Variants in PHACTR1 observed in about 807,000 individuals in gnomAD.
PHACTR1 encodes RPEL repeat containing 1.
In PHACTR1, 16 loss-of-function variants were observed where a neutral mutation model predicts 69.2. The ratio of observed to expected loss-of-function variants is 0.23; its 90% CI spans 0.16 to 0.35. The LOEUF is 0.35. Among genes scored for constraint, PHACTR1 ranks in the 10% least tolerant of loss-of-function variants. PHACTR1 has a pLI of 1.00. For synonymous variants in PHACTR1, 312 were observed against 284.5 expected (o/e 1.10, Z -0.97); for missense variants, 510 against 734.7 (o/e 0.69, Z 3.54).
Position 13,227,865 on chromosome 6 carries a change from C to T in PHACTR1, c.1036C>T (p.His346Tyr). Reference sequence around the variant, plus strand: ...CACTTCTTACCACAGCTCTGGGTTGCACTCGGGTGATGGGGTCACCAAAGC... The same window carrying T: ...CACTTCTTACCACAGCTCTGGGTTGTACTCGGGTGATGGGGTCACCAAAGC... Reference protein sequence around the residue: ...CSTSYHSSGLHSGDGVTKAGP... With the variant: ...CSTSYHSSGLYSGDGVTKAGP... The change falls in exon 9 of 15, where the codon CAC becomes TAC. Residue 346 changes from histidine (H) to tyrosine (Y), a missense_variant. Coordinates refer to ENST00000332995, the MANE Select transcript of PHACTR1 (RefSeq NM_030948.6). The T allele has an allele frequency of 6.2e-7, 1 of 1,614,026 alleles. No individual in the cohort carries two copies. Among genetic ancestry groups the T allele is most frequent in the Non-Finnish European group, 8.5e-7 (1 of 1,179,894 alleles).
intron 4 of PHACTR1, among the ~76,000 whole-genome samples, chr6:12,909,186 A>C (rs1786085286): frequency 1.3e-5 from 2 of 152,178 alleles, no homozygotes; most frequent in South Asian, 4.1e-4. Flanking sequence ...CAACTTTTTC[A>C]GTCATTTCAT....
chr6:13,212,550 A>G (rs1234217993), intron 8 of PHACTR1, among the ~76,000 whole-genome samples: 1 of 152,118 alleles, frequency 6.6e-6, no homozygotes, highest in Non-Finnish European at 1.5e-5. Context: ...GACAGGAACC[A>G]TCCTTGTCTC....
chr6:12,862,673 C>T (rs769623612), intron 4 of PHACTR1, among the ~76,000 whole-genome samples: 4 of 152,100 alleles, frequency 2.6e-5, no homozygotes, highest in East Asian at 1.9e-4. Flanking sequence ...ATGCTATTTG[C>T]GTTCAGCAGG....
chr6:12,838,607 A>C (rs1778394675), intron 4 of PHACTR1, among the ~76,000 whole-genome samples: 1 of 152,170 alleles, frequency 6.6e-6, no homozygotes, highest in South Asian at 2.1e-4. Flanking sequence ...GGAGGCCCTC[A>C]TGTTCTCTTG....
chr6:12,893,209 G>C (rs1226692836), intron 4 of PHACTR1, among the ~76,000 whole-genome samples: 7 of 152,172 alleles, frequency 4.6e-5, no homozygotes, highest in Admixed American at 4.6e-4. Flanking sequence ...AGGGCTCCAA[G>C]AGGTCAAAAG....
At position 13,272,777 on chromosome 6, in the gene PHACTR1, A is replaced by G. The variant is rs775949625; in HGVS notation, c.1392-83A>G. ...AAGAACTCCAGCCACTGACTGTCTC[A>G]TGTATCTGCAAGGGCCGAGGAAATT... On this transcript the variant is annotated intron_variant, in intron 10 of 14. Transcript: ENST00000332995. The G allele has an allele frequency of 5.0e-6, 8 of 1,613,088 alleles. No individual in the cohort carries two copies. In the East Asian group the frequency reaches 1.6e-4, roughly 31 times the overall value.
At chr6:13,109,467 T>C (rs1282113411) in intron 5 of PHACTR1, among the ~76,000 whole-genome samples, 1 of 152,014 alleles carries the variant, frequency 6.6e-6, no homozygotes, top group Non-Finnish European at 1.5e-5. Flanking sequence ...CATTGCCTTC[T>C]GGATTACATT....
chr6:12,944,782 TA>T lies in PHACTR1; in HGVS notation c.251-108582del, dbSNP rs1282888956. Among the ~76,000 whole-genome samples, 7 of 121,830 alleles carry T rather than the reference TA, an allele frequency of 5.7e-5. No homozygotes were observed. In the East Asian group the frequency reaches 1.1e-3, roughly 20 times the overall value. 79.9% of individuals were successfully genotyped at this position (121,830 alleles called of 152,430 possible). Reference sequence around the variant, plus strand: ...ATTTATTTATTTATTTATTTATTTTTATTTATTTTTTTTTTTTTGAGACGGA... The same window carrying T: ...ATTTATTTATTTATTTATTTATTTTTTTTATTTTTTTTTTTTTGAGACGGA... On this transcript the variant is annotated intron_variant, in intron 4 of 14. Coordinates refer to ENST00000332995, the MANE Select transcript of PHACTR1 (RefSeq NM_030948.6).
chr6:13,041,122 G>T (rs1383175971), intron 4 of PHACTR1, among the ~76,000 whole-genome samples: 1 of 151,980 alleles, frequency 6.6e-6, no homozygotes, highest in Admixed American at 6.6e-5. Context: ...TCATGCAGAA[G>T]AATAATAAAA....
chr6:13,112,729 GTT>G (rs1243177367), intron 5 of PHACTR1, among the ~76,000 whole-genome samples: 1 of 151,836 alleles, frequency 6.6e-6, no homozygotes, highest in South Asian at 2.1e-4. Context: ...AGGTTGTTTT[GTT>G]TTTTTCTTGT....
intron 10 of PHACTR1, among the ~76,000 whole-genome samples, chr6:13,257,125 G>A (rs1168923776): frequency 6.6e-6 from 1 of 152,166 alleles, no homozygotes; most frequent in Admixed American, 6.6e-5. Context: ...TCAGGAAGCT[G>A]CCAATCATGG....
At chr6:12,984,169 T>C (rs945111311) in intron 4 of PHACTR1, among the ~76,000 whole-genome samples, 6 of 152,234 alleles carry the variant, frequency 3.9e-5, no homozygotes, top group Non-Finnish European at 5.9e-5. Flanking sequence ...ATCAACAGTG[T>C]AAAAGTGTTC....
intron 12 of PHACTR1, chr6:13,280,859 G>A (rs1780009179): frequency 2.5e-5 from 22 of 876,764 alleles, no homozygotes; most frequent in South Asian, 5.7e-5. Context: ...CAGATGCCCC[G>A]AAGGCTACAG....
intron 5 of PHACTR1, among the ~76,000 whole-genome samples, chr6:13,085,638 C>G (rs1206593453): frequency 6.6e-6 from 1 of 151,986 alleles, no homozygotes; most frequent in African/African-American, 2.4e-5. Context: ...AATCTATCAA[C>G]TTATACCTCT....
At chr6:13,091,611 T>C (rs1813299546) in intron 5 of PHACTR1, among the ~76,000 whole-genome samples, 1 of 152,132 alleles carries the variant, frequency 6.6e-6, no homozygotes. Flanking sequence ...ATTATTACAT[T>C]GTAATATATA....
intron 8 of PHACTR1, among the ~76,000 whole-genome samples, chr6:13,209,002 C>T (rs762542205): frequency 6.6e-6 from 1 of 152,116 alleles, no homozygotes; most frequent in African/African-American, 2.4e-5. Flanking sequence ...GAGGTCAAAG[C>T]ATAGGGTTGT....
intron 4 of PHACTR1, among the ~76,000 whole-genome samples, chr6:13,011,272 G>T (rs1023297468): frequency 6.6e-6 from 1 of 152,204 alleles, no homozygotes; most frequent in African/African-American, 2.4e-5. Flanking sequence ...TAGTGCAACT[G>T]AGGAAATGAA....
intron 5 of PHACTR1, among the ~76,000 whole-genome samples, chr6:13,159,020 C>T (rs1049869410): frequency 4.6e-5 from 7 of 152,312 alleles, no homozygotes; most frequent in South Asian, 4.1e-4. Context: ...AGCCTTCTTT[C>T]CTCCCCACGT....
intron 4 of PHACTR1, among the ~76,000 whole-genome samples, chr6:12,804,502 T>C (rs1418093798): frequency 6.6e-6 from 1 of 152,210 alleles, no homozygotes; most frequent in African/African-American, 2.4e-5. Context: ...ATTTGAAATA[T>C]AAAACATTTT....
Sources: allele counts gnomAD v4.1 joint callset (sites outside exome capture counted in the v4.1 genomes callset), GRCh38; gene constraint gnomAD v4.1.1; transcripts MANE v1.5; gene names NCBI Gene and HGNC (gene_info 2026-07-23, HGNC 2026-07-21).